SLC38A12: variants seen among roughly 807,000 people sequenced by gnomAD.
SLC38A12 encodes solute carrier family 38 member 12.
the SLC38A12 span, among the ~76,000 whole-genome samples, chr17:74,802,087 C>G: frequency 6.6e-6 from 1 of 152,170 alleles, no homozygotes; most frequent in Non-Finnish European, 1.5e-5. Flanking sequence ...CTGAGGACAC[C>G]TGGGTGACGC....
At chr17:74,820,763 C>T in the SLC38A12 span, among the ~76,000 whole-genome samples, 12 of 152,302 alleles carry the variant, frequency 7.9e-5, no homozygotes, top group South Asian at 1.7e-3. Context: ...TCCCCAGCCC[C>T]GTTTCCCACT....
the SLC38A12 span, among the ~76,000 whole-genome samples, chr17:74,784,794 G>A: frequency 1.3e-5 from 2 of 152,162 alleles, no homozygotes; most frequent in African/African-American, 4.8e-5. Flanking sequence ...CAAGCGGGGA[G>A]GGAAGAATGG....
the SLC38A12 span, among the ~76,000 whole-genome samples, chr17:74,807,888 C>T: frequency 6.6e-6 from 1 of 152,230 alleles, no homozygotes. Flanking sequence ...AGGTCAGAAC[C>T]CATGGTCTTT....
chr17:74,835,849 A>G, the SLC38A12 span: 4 of 1,512,876 alleles, frequency 2.6e-6, no homozygotes, highest in South Asian at 3.9e-5. Context: ...AGTCCCCGCA[A>G]AGGCGCCCCC....
chr17:74,803,712 A>G, the SLC38A12 span, among the ~76,000 whole-genome samples: 6 of 152,242 alleles, frequency 3.9e-5, no homozygotes, highest in African/African-American at 1.4e-4. Context: ...ATGCATTTCC[A>G]GTCATTCCCC....
chr17:74,834,012 C>T, the SLC38A12 span, among the ~76,000 whole-genome samples: 6 of 152,126 alleles, frequency 3.9e-5, no homozygotes, highest in Non-Finnish European at 8.8e-5. Context: ...ACAGGGACTC[C>T]GCCTCCAGCC....
the SLC38A12 span, among the ~76,000 whole-genome samples, chr17:74,782,480 G>A: frequency 9.9e-5 from 15 of 152,232 alleles, no homozygotes; most frequent in African/African-American, 2.4e-4. Context: ...CACAGGGCCC[G>A]GTCTGTAGAA....
chr17:74,781,762 GTGCCCTGC>G, the SLC38A12 span, among the ~76,000 whole-genome samples: 1 of 152,208 alleles, frequency 6.6e-6, no homozygotes, highest in African/African-American at 2.4e-5. Flanking sequence ...TGTTCTGTTA[GTGCCCTGC>G]TTAAAATGCT....
At chr17:74,825,466 T>C in the SLC38A12 span, among the ~76,000 whole-genome samples, 1 of 152,252 alleles carries the variant, frequency 6.6e-6, no homozygotes, top group East Asian at 1.9e-4. Flanking sequence ...GGGCAGGTAA[T>C]GAACGCTTGC....
At chr17:74,822,178 G>A in the SLC38A12 span, among the ~76,000 whole-genome samples, 4 of 152,218 alleles carry the variant, frequency 2.6e-5, no homozygotes, top group African/African-American at 7.2e-5. Context: ...CTGTATCCCT[G>A]CATCAGTCAG....
the SLC38A12 span, chr17:74,819,819 C>G: frequency 6.2e-7 from 1 of 1,614,186 alleles, no homozygotes; most frequent in Non-Finnish European, 8.5e-7. Context: ...CCTGCAGATC[C>G]TGACCTCTCT....
chr17:74,835,139 A>T, the SLC38A12 span, among the ~76,000 whole-genome samples: 1 of 152,200 alleles, frequency 6.6e-6, no homozygotes, highest in African/African-American at 2.4e-5. Flanking sequence ...AGATGGGGCC[A>T]CAGGCCCCCT....
the SLC38A12 span, among the ~76,000 whole-genome samples, chr17:74,793,878 C>T: frequency 6.6e-6 from 1 of 152,192 alleles, no homozygotes; most frequent in Non-Finnish European, 1.5e-5. Context: ...TTTTCCCCCC[C>T]AGGCTCCTAG....
chr17:74,795,718 T>C, the SLC38A12 span: 1 of 1,058,396 alleles, frequency 9.4e-7, no homozygotes, highest in Non-Finnish European at 1.4e-6. Flanking sequence ...CCAGGTAGAA[T>C]CCTTTCCCCA....
the SLC38A12 span, chr17:74,791,087 C>T: frequency 6.6e-7 from 1 of 1,516,786 alleles, no homozygotes; most frequent in South Asian, 1.1e-5. Context: ...GCTGGTGCTT[C>T]CCTGCAGGCC....
the SLC38A12 span, among the ~76,000 whole-genome samples, chr17:74,809,514 G>C: frequency 1.1e-4 from 16 of 152,270 alleles, no homozygotes; most frequent in African/African-American, 3.9e-4. Flanking sequence ...GGCAGCTCTC[G>C]TCCCATGCAG....
At chr17:74,791,477 A>G in the SLC38A12 span, among the ~76,000 whole-genome samples, 1 of 152,142 alleles carries the variant, frequency 6.6e-6, no homozygotes, top group Admixed American at 6.5e-5. Flanking sequence ...GGCAGCTACA[A>G]AATAAGCTTT....
chr17:74,790,065 C>T, the SLC38A12 span: 2 of 662,708 alleles, frequency 3.0e-6, no homozygotes, highest in Non-Finnish European at 5.4e-6. Flanking sequence ...GTGATCCTCC[C>T]ATCTCAGCCT....
chr17:74,838,808 G>A, the SLC38A12 span: 33 of 1,507,288 alleles, frequency 2.2e-5, no homozygotes, highest in East Asian at 1.5e-4. Flanking sequence ...GGCTCTCCAC[G>A]TGCATCCGGC....
Sources: gnomAD v4.1 joint callset for allele counts (sites outside exome capture counted in the v4.1 genomes callset) on GRCh38, gnomAD v4.1.1 for gene constraint, MANE v1.5 for transcripts, NCBI Gene and HGNC (gene_info 2026-07-23, HGNC 2026-07-21) for gene names.